The following KCNK2 variants were observed in gnomAD, a reference collection of about 807,000 sequenced individuals.
The protein encoded by KCNK2 is potassium channel subfamily K member 2.
A neutral mutation model predicts 40.5 loss-of-function variants in KCNK2; 21 were observed. That is an observed-to-expected ratio of 0.52 (90% CI 0.37 to 0.75). KCNK2 has a LOEUF of 0.75. Ranked by LOEUF, KCNK2 falls within the 30% of genes least tolerant of loss-of-function variation. KCNK2 has a pLI of 0.00. For synonymous variants in KCNK2, 191 were observed against 202.2 expected, an observed-to-expected ratio of 0.94 and a Z score of 0.47; for missense variants, 399 against 531.6, an observed-to-expected ratio of 0.75 and a Z score of 2.45.
chr1:215,134,942 A>G (rs1432222276), intron 3 of KCNK2, among the ~76,000 whole-genome samples: 1 of 151,964 alleles, frequency 6.6e-6, no homozygotes, highest in Non-Finnish European at 1.5e-5. Flanking sequence ...CATGAGGAAT[A>G]TGAAATAAGT....
chr1:215,038,590 C>T (rs191267669), intron 1 of KCNK2, among the ~76,000 whole-genome samples: 22 of 152,138 alleles, frequency 1.4e-4, no homozygotes, highest in African/African-American at 5.3e-4. Context: ...TTTTTAATCT[C>T]TATATATCTA....
At chr1:215,076,031 T>A (rs945361585) in intron 1 of KCNK2, among the ~76,000 whole-genome samples, 2 of 152,262 alleles carry the variant, frequency 1.3e-5, no homozygotes, top group African/African-American at 4.8e-5. Context: ...AAGTTTGAAA[T>A]CTACAATTGT....
intron 1 of KCNK2, among the ~76,000 whole-genome samples, chr1:215,057,289 A>G (rs940135953): frequency 2.0e-5 from 3 of 152,084 alleles, no homozygotes; most frequent in Non-Finnish European, 2.9e-5. Flanking sequence ...AAAAAGATGC[A>G]AAATGATCTT....
intron 3 of KCNK2, among the ~76,000 whole-genome samples, chr1:215,128,098 T>C (rs1267113456): frequency 6.6e-6 from 1 of 152,112 alleles, no homozygotes; most frequent in Non-Finnish European, 1.5e-5. Flanking sequence ...GGGAACATAT[T>C]GGTGCAACAC....
intron 6 of KCNK2, among the ~76,000 whole-genome samples, chr1:215,223,233 C>A (rs1666250750): frequency 2.8e-5 from 2 of 71,100 alleles, no homozygotes; most frequent in Admixed American, 1.8e-4. Context: ...ACAGAATAAG[C>A]TCTTTTCTAA....
chr1:215,159,231 G>A lies in KCNK2; in HGVS notation c.476-9968G>A, dbSNP rs199636474. Among the ~76,000 whole-genome samples, 5 of 152,224 alleles carry A rather than the reference G, an allele frequency of 3.3e-5. No homozygotes were observed. In the East Asian group the frequency reaches 9.7e-4, roughly 29 times the overall value. The stretch of plus-strand genomic sequence containing the variant: ...GAGACTCCTTACATCAAAGCCCATG[G>A]TCCTGCCAGACTTTCCTAGGTGTCA... On this transcript the variant is annotated intron_variant, in intron 3 of 6. Coordinates refer to ENST00000444842, the MANE Select transcript of KCNK2 (RefSeq NM_001017425.3).
intron 3 of KCNK2, among the ~76,000 whole-genome samples, chr1:215,149,762 A>G (rs2102611149): frequency 6.6e-6 from 1 of 152,344 alleles, no homozygotes; most frequent in East Asian, 1.9e-4. Flanking sequence ...GGATATCTTC[A>G]TGTAATATTT....
In KCNK2 at chr1:215,048,086, G is replaced by T. The variant is rs554923373; in HGVS notation, c.35-38282G>T. 7.2e-5 allele frequency among the ~76,000 whole-genome samples: 11 copies of T among 152,266 alleles called. No individual in the cohort carries two copies. In the South Asian group the frequency reaches 1.7e-3, roughly 23 times the overall value. ...TTTATTGACTTGACAGGCCTTCAAA[G>T]ATATTCCTGGGTTTTAATATTGGCC... On this transcript the variant is annotated intron_variant, in intron 1 of 6. Coordinates refer to the KCNK2 transcript ENST00000391895.
intron 2 of KCNK2, among the ~76,000 whole-genome samples, chr1:215,123,043 C>T (rs993413474): frequency 2.9e-4 from 44 of 152,014 alleles, no homozygotes; most frequent in African/African-American, 7.7e-4. Context: ...CACGCCCCAC[C>T]GAAAACATTC....
intron 3 of KCNK2, among the ~76,000 whole-genome samples, chr1:215,142,748 A>G (rs1260626189): frequency 1.3e-5 from 2 of 152,182 alleles, no homozygotes; most frequent in East Asian, 1.9e-4. Context: ...AAAATTTTCC[A>G]TATTCTCTCT....
In KCNK2 at chr1:215,195,092, G is replaced by A; in HGVS notation, c.963G>A (p.Glu321=). 6.3e-7 allele frequency: 1 copy of A among 1,599,570 alleles called. No homozygotes were observed. Among genetic ancestry groups the A allele is most frequent in the Non-Finnish European group, 8.5e-7 (1 of 1,172,604 alleles). The change falls in exon 6 of 7, where the codon GAG becomes GAA. Residue 321 remains glutamate (E), a splice_region_variant and synonymous_variant. Coordinates refer to ENST00000444842, the MANE Select transcript of KCNK2 (RefSeq NM_001017425.3). ...TGATATCTAAAAAGACAAAAGAAGA[G>A]GTGAGAATTAAGAAGTGTGCAAAAA... The part of the protein sequence containing the change: ...LRVISKKTKE[E]VGEFRAHAAE...
At chr1:215,150,866 A>G (rs904125786) in intron 3 of KCNK2, among the ~76,000 whole-genome samples, 1 of 151,222 alleles carries the variant, frequency 6.6e-6, no homozygotes, top group Non-Finnish European at 1.5e-5. Context: ...CTTTTCTTTC[A>G]TTATACCTGC....
In KCNK2 at chr1:215,053,745, T is replaced by C. The variant is rs547366144; in HGVS notation, c.35-32623T>C. On this transcript the variant is annotated intron_variant, in intron 1 of 6. Coordinates refer to the KCNK2 transcript ENST00000391895. The stretch of plus-strand genomic sequence containing the variant: ...ACAATCCCTGGCCGAGGCAGGCAGA[T>C]CACTTAAGGCCAGGAGTTCGAGACC... Among the ~76,000 whole-genome samples the C allele has an allele frequency of 5.9e-5, 9 of 152,266 alleles. No individual in the cohort carries two copies. In the South Asian group the frequency reaches 1.9e-3, roughly 32 times the overall value.
At chr1:215,051,793 G>C (rs141054666) in intron 1 of KCNK2, among the ~76,000 whole-genome samples, 64 of 152,266 alleles carry the variant, frequency 4.2e-4, no homozygotes, top group African/African-American at 1.4e-3. Context: ...CAAGAAAGTA[G>C]TAGTTTCCCA....
intron 2 of KCNK2, among the ~76,000 whole-genome samples, chr1:215,104,012 G>C (rs992640077): frequency 1.3e-5 from 2 of 151,966 alleles, no homozygotes; most frequent in African/African-American, 2.4e-5. Context: ...GAGTCTAAAA[G>C]GAAATACAAA....
At chr1:215,135,430 C>T (rs1288936821) in intron 3 of KCNK2, among the ~76,000 whole-genome samples, 1 of 151,994 alleles carries the variant, frequency 6.6e-6, no homozygotes, top group Non-Finnish European at 1.5e-5. Context: ...GGTAAGCTAA[C>T]TTTATTATTG....
chr1:215,076,967 T>G (rs1456813837), intron 1 of KCNK2, among the ~76,000 whole-genome samples: 1 of 152,258 alleles, frequency 6.6e-6, no homozygotes, highest in African/African-American at 2.4e-5. Context: ...TGTTATCACC[T>G]GGACTTGGTC....
chr1:215,157,909 GA>G, intron 3 of KCNK2, among the ~76,000 whole-genome samples: 1 of 152,158 alleles, frequency 6.6e-6, no homozygotes, highest in African/African-American at 2.4e-5. Context: ...ACAGGGAAGA[GA>G]GGGAAGAAAG....
At chr1:215,107,552 A>G (rs1019252219) in intron 2 of KCNK2, among the ~76,000 whole-genome samples, 15 of 152,128 alleles carry the variant, frequency 9.9e-5, no homozygotes, top group African/African-American at 3.1e-4. Context: ...TAAGGGGTAT[A>G]TGTGAAGTAC....
Sources: gnomAD v4.1 joint callset for allele counts (sites outside exome capture counted in the v4.1 genomes callset) on GRCh38, gnomAD v4.1.1 for gene constraint, MANE v1.5 for transcripts, NCBI Gene and HGNC (gene_info 2026-07-23, HGNC 2026-07-21) for gene names.